MTMR14: variants seen among roughly 807,000 people sequenced by gnomAD.
MTMR14 encodes the protein myotubularin related protein 14, also known as phosphatidylinositol-3,5-bisphosphate 3-phosphatase MTMR14.
MTMR14 carries 48 observed loss-of-function variants against 86.3 expected under a neutral mutation model. The ratio of observed to expected loss-of-function variants is 0.56; its 90% CI spans 0.44 to 0.71. MTMR14 has a LOEUF of 0.71. MTMR14 is among the 30% of genes least tolerant of loss of function. MTMR14 has a pLI of 0.00. For synonymous variants in MTMR14, 366 were observed against 326.1 expected, an observed-to-expected ratio of 1.12 and a Z score of -1.32; for missense variants, 780 against 834.6, an observed-to-expected ratio of 0.93 and a Z score of 0.81.
chr3:9,671,021 A>G, intron 5 of MTMR14, 27 bp from the exon 6 acceptor site: 1 of 1,613,944 alleles, frequency 6.2e-7, no homozygotes, highest in East Asian at 2.2e-5. Flanking sequence ...ATGCCATGTA[A>G]CTTCTCCCTC....
chr3:9,651,878 C>G (rs1388853010), intron 1 of MTMR14, among the ~76,000 whole-genome samples: 1 of 150,896 alleles, frequency 6.6e-6, no homozygotes, highest in African/African-American at 2.4e-5. Flanking sequence ...GTCGCCCAGG[C>G]TGGAATGCAA....
Position 9,653,642 on chromosome 3 carries a change from T to C in MTMR14, c.181T>C (p.Cys61Arg). The change falls in exon 2 of 19, where the codon TGT becomes CGT. Residue 61 changes from cysteine (C) to arginine (R), a missense_variant. By Grantham distance (180) the Cys-to-Arg change is radical. Transcript: ENST00000296003. ...GCAGGTTGAGCGCATTGAGAAGAGA[T>C]GTCTGGAGCTGTTTGGCCGAGACTA... is the stretch of plus-strand genomic sequence containing the variant. The part of the protein sequence containing the change: ...GSKVERIEKR[C>R]LELFGRDYCF... 6.2e-7 allele frequency: 1 copy of C among 1,614,160 alleles called. No homozygotes were observed. Among genetic ancestry groups the C allele is most frequent in the Non-Finnish European group, 8.5e-7 (1 of 1,180,038 alleles).
intron 1 of MTMR14, among the ~76,000 whole-genome samples, chr3:9,651,133 G>A (rs2047262758): frequency 6.6e-6 from 1 of 151,704 alleles, no homozygotes; most frequent in Non-Finnish European, 1.5e-5. Flanking sequence ...ACAGGGTCTC[G>A]CTCTGCTGCC....
At chr3:9,698,001 G>C in intron 18 of MTMR14, 135 bp downstream of exon 18, 1 of 1,275,904 alleles carries the variant, frequency 7.8e-7, no homozygotes, top group African/African-American at 1.5e-5. Flanking sequence ...TCTCTCAGCT[G>C]CTGGACCCGA....
chr3:9,654,312 T>C (rs2047473234), intron 2 of MTMR14, among the ~76,000 whole-genome samples: 1 of 152,172 alleles, frequency 6.6e-6, no homozygotes, highest in Non-Finnish European at 1.5e-5. Flanking sequence ...TAACTAAAAT[T>C]TTAGAAAGTG....
chr3:9,679,451 A>T (rs965206679), intron 9 of MTMR14, among the ~76,000 whole-genome samples: 1 of 152,114 alleles, frequency 6.6e-6, no homozygotes, highest in African/African-American at 2.4e-5. Context: ...TTCCGGCACC[A>T]TTTTTTCTCC....
rs1559600626 is a variant in MTMR14 at position 9,684,585 on chromosome 3, A to T, written c.965A>T (p.Asp322Val). The change falls in exon 11 of 19, where the codon GAT (aspartate) becomes GTT (valine). Residue 322 changes from aspartate (D) to valine (V), a missense_variant and splice_region_variant. By Grantham distance (152) the Asp-to-Val change is radical (BLOSUM62 -3). Transcript: ENST00000296003. ...KLLLSLVNSD[D>V]DSGLLVHCIS... The stretch of plus-strand genomic sequence containing the variant: ...ATCCTCTCCTGCGGTTCCTGAGTAG[A>T]TGACAGCGGGCTGCTGGTACACTGT... 6.2e-7 allele frequency: 1 copy of T among 1,613,986 alleles called. No individual in the cohort carries two copies. Among genetic ancestry groups the T allele is most frequent in the Non-Finnish European group, 8.5e-7 (1 of 1,179,970 alleles).
At chr3:9,688,780 C>T in intron 15 of MTMR14, 26 bp downstream of exon 15, 9 of 1,613,854 alleles carry the variant, frequency 5.6e-6, no homozygotes, top group Non-Finnish European at 7.6e-6. Flanking sequence ...CAACAGACTT[C>T]CCTTCCTCCA....
At position 9,702,295 on chromosome 3, in the gene MTMR14, T is replaced by C; in HGVS notation, c.*322T>C. ...GCCATGACTTCACAAAGACCCTACCTGTCAGTTCTTGTTTCTGGGGAGGAG... is the reference window on the plus strand; with the variant it reads ...GCCATGACTTCACAAAGACCCTACCCGTCAGTTCTTGTTTCTGGGGAGGAG... On this transcript the variant is annotated 3_prime_UTR_variant, in exon 19 of 19. Coordinates refer to ENST00000296003, the MANE Select transcript of MTMR14 (RefSeq NM_001077525.3). 1 of 433,704 alleles carries C rather than the reference T, an allele frequency of 2.3e-6. No homozygotes were observed. The highest frequency in any genetic ancestry group is 4.3e-6 in the Non-Finnish European group (1 of 231,850). The allele number at this position is 433,704 out of a possible 1,614,324, so 26.9% of individuals were successfully genotyped here.
In MTMR14 at chr3:9,669,460, G is replaced by A; in HGVS notation, c.522G>A (p.Val174=). 6.2e-7 allele frequency: 1 copy of A among 1,613,950 alleles called. No individual in the cohort carries two copies. The highest frequency in any genetic ancestry group is 8.5e-7 in the Non-Finnish European group (1 of 1,179,876). ...SGGADDAWAD[V]EDVTEEDCAL... Reference sequence around the variant, plus strand: ...GTGCAGATGATGCCTGGGCAGATGTGGAGGACGTCACGGAGGAGGACTGTG... The same window carrying A: ...GTGCAGATGATGCCTGGGCAGATGTAGAGGACGTCACGGAGGAGGACTGTG... The change falls in exon 5 of 19, where the codon GTG becomes GTA. Residue 174 remains valine, a synonymous_variant. Transcript: ENST00000296003.
At chr3:9,671,822 T>C (rs191133286) in intron 6 of MTMR14, among the ~76,000 whole-genome samples, 157 of 152,304 alleles carry the variant, frequency 1.0e-3, no homozygotes, top group Admixed American at 2.8e-3. Flanking sequence ...TTTCCAAAAT[T>C]TTGTTTTTTA....
intron 1 of MTMR14, chr3:9,650,488 C>G (rs1337128884): frequency 4.8e-6 from 2 of 415,162 alleles, no homozygotes; most frequent in Non-Finnish European, 9.9e-6. Flanking sequence ...AATTCTGTTC[C>G]ATCCTGCACC....
intron 3 of MTMR14, 93 bp from the exon 4 acceptor site, chr3:9,668,626 T>C: frequency 7.4e-7 from 1 of 1,357,642 alleles, no homozygotes; most frequent in Non-Finnish European, 1.1e-6. Context: ...CCCGTTATGC[T>C]GGCCTGGAAG....
intron 3 of MTMR14, among the ~76,000 whole-genome samples, chr3:9,662,612 G>A (rs981128082): frequency 9.9e-5 from 15 of 152,104 alleles, no homozygotes; most frequent in African/African-American, 3.6e-4. Flanking sequence ...AGACTGCCTA[G>A]GTTCAGATCC....
chr3:9,688,731 C>A lies in MTMR14; in HGVS notation c.1271C>A (p.Thr424Asn). ...KSLPARDGGFTLEDICMLRRK... is the reference protein window; with the variant it reads ...KSLPARDGGFNLEDICMLRRK... ...TTGCCAGCCCGGGATGGAGGCTTCA[C>A]CCTGGAAGACATCTGCATGCTGAGT... The change falls in exon 15 of 19, where the codon ACC (threonine) becomes AAC (asparagine). Residue 424 changes from threonine to asparagine, a missense_variant. Transcript: ENST00000296003. 6.2e-7 allele frequency: 1 copy of A among 1,614,186 alleles called. No individual in the cohort carries two copies. The highest frequency in any genetic ancestry group is 2.2e-5 in the East Asian group (1 of 44,886).
At chr3:9,673,550 T>C (rs2048687796) in intron 7 of MTMR14, among the ~76,000 whole-genome samples, 1 of 152,154 alleles carries the variant, frequency 6.6e-6, no homozygotes, top group African/African-American at 2.4e-5. Context: ...AAAACCTCTC[T>C]CCTATTTCTC....
At chr3:9,663,499 C>G (rs1339438062) in intron 3 of MTMR14, among the ~76,000 whole-genome samples, 1 of 91,110 alleles carries the variant, frequency 1.1e-5, no homozygotes, top group Non-Finnish European at 2.5e-5. Flanking sequence ...TGGAGTCTCT[C>G]TCTTTTTTTT....
chr3:9,662,172 A>G (rs2047978610), intron 2 of MTMR14, 95 bp from the exon 3 acceptor site: 2 of 857,896 alleles, frequency 2.3e-6, no homozygotes, highest in Admixed American at 3.7e-5. Flanking sequence ...CATTATGTAC[A>G]CAGATCTAGT....
rs142160244 is a variant in MTMR14 at position 9,686,554 on chromosome 3, G to A, written c.1165-1267G>A. On this transcript the variant is annotated intron_variant, in intron 13 of 18. Coordinates refer to ENST00000296003, the MANE Select transcript of MTMR14 (RefSeq NM_001077525.3). Reference sequence around the variant, plus strand: ...AACCCCAGGCCTATTAGTTAAACACGATTGTGTCGTCTCCCCACCTCACCT... The same window carrying A: ...AACCCCAGGCCTATTAGTTAAACACAATTGTGTCGTCTCCCCACCTCACCT... Among the ~76,000 whole-genome samples the A allele has an allele frequency of 2.1e-3, 314 of 152,316 alleles. 2 individuals carry two copies. The highest frequency in any genetic ancestry group is 6.9e-3 in the African/African-American group (285 of 41,580).
Sources: allele counts gnomAD v4.1 joint callset (sites outside exome capture counted in the v4.1 genomes callset), GRCh38; gene constraint gnomAD v4.1.1; transcripts MANE v1.5; gene names NCBI Gene and HGNC (gene_info 2026-07-23, HGNC 2026-07-21).